The following UBE2Z variants were observed in gnomAD, a reference collection of about 807,000 sequenced individuals.
The protein encoded by UBE2Z is ubiquitin conjugating enzyme E2 Z, also known as ubiquitin-conjugating enzyme E2 Z.
A neutral mutation model predicts 32.6 loss-of-function variants in UBE2Z; 10 were observed. That is an observed-to-expected ratio of 0.31 (90% CI 0.19 to 0.52). The LOEUF (loss-of-function observed/expected upper bound fraction) is 0.52. Among genes scored for constraint, UBE2Z ranks in the 20% least tolerant of loss-of-function variants. The pLI, the probability that UBE2Z is intolerant of heterozygous loss-of-function variation, is 0.97. For missense variants in UBE2Z, 343 were observed against 480.9 expected (o/e 0.71, Z 2.68); for synonymous variants, 183 against 190.8 (o/e 0.96, Z 0.34).
chr17:48,923,541 A>C lies in UBE2Z; in HGVS notation c.894+604A>C, dbSNP rs552463406. 8.6e-5 allele frequency among the ~76,000 whole-genome samples: 13 copies of C among 151,898 alleles called. No individual in the cohort carries two copies. The East Asian group carries it at 1.9e-3, about 23-fold the overall frequency. ...CGGCTACTTGGGAGGCTGAGGCAGG[A>C]GAATCGCTTGAACCTGGGAGGCCGA... On this transcript the variant is annotated intron_variant, in intron 6 of 6. Coordinates refer to ENST00000360943, the MANE Select transcript of UBE2Z (RefSeq NM_023079.5).
At chr17:48,916,665 G>C (rs1012585869) in intron 4 of UBE2Z, among the ~76,000 whole-genome samples, 3 of 152,000 alleles carry the variant, frequency 2.0e-5, no homozygotes, top group Non-Finnish European at 2.9e-5. Context: ...GGGAAAAAAA[G>C]GGAATTGACA....
At chr17:48,912,535 G>T (rs1419974338) in intron 2 of UBE2Z, 2 of 312,808 alleles carry the variant, frequency 6.4e-6, no homozygotes, top group Non-Finnish European at 1.2e-5. Flanking sequence ...AATGCTTTAA[G>T]AGAGTTTTAG....
In UBE2Z at chr17:48,912,934, G is replaced by A. The variant is rs375589561; in HGVS notation, c.491G>A (p.Arg164Gln). 2 of 1,613,740 alleles carry A rather than the reference G, an allele frequency of 1.2e-6. No individual in the cohort carries two copies. The highest frequency in any genetic ancestry group is 1.3e-5 in the African/African-American group (1 of 74,884). ...CPPDYPIHPP[R>Q]VKLMTTGNNT... ...CCCGACTATCCCATCCACCCACCTC[G>A]GGTCAAACTGATGACAACGGGCAAT... Residue 164 changes from arginine (R) to glutamine (Q), a missense_variant, in exon 3 of 7, where the codon CGG becomes CAG. Around this residue, in one of 4 missense-constraint regions of UBE2Z, gnomAD observed 182 missense variants for 312.4 expected, o/e 0.58. Transcript: ENST00000360943.
chr17:48,917,513 G>A (rs568282344), intron 4 of UBE2Z, among the ~76,000 whole-genome samples: 1 of 152,166 alleles, frequency 6.6e-6, no homozygotes, highest in Non-Finnish European at 1.5e-5. Context: ...CCAGCCAGCT[G>A]TTCTTCTGGG....
intron 4 of UBE2Z, among the ~76,000 whole-genome samples, chr17:48,919,947 CT>C (rs1187040529): frequency 7.3e-5 from 11 of 149,878 alleles, no homozygotes; most frequent in African/African-American, 1.5e-4. Context: ...TTCTTTCTGT[CT>C]TTTTTTTTTC....
rs1351167140 is a variant in UBE2Z, at chr17:48,927,863, G to C, written c.*729G>C. Reference sequence around the variant, plus strand: ...GTGACTGGGACTTAACCAAGGTCTTGGTAAAGCCTGCATGGCACCGTAAGA... The same window carrying C: ...GTGACTGGGACTTAACCAAGGTCTTCGTAAAGCCTGCATGGCACCGTAAGA... On this transcript the variant is annotated 3_prime_UTR_variant, in exon 7 of 7. Coordinates refer to ENST00000360943, the MANE Select transcript of UBE2Z (RefSeq NM_023079.5). 1 of 152,578 alleles carries C rather than the reference G, an allele frequency of 6.6e-6. No homozygotes were observed. Among genetic ancestry groups the C allele is most frequent in the African/African-American group, 2.4e-5 (1 of 41,418 alleles). The allele number at this position is 152,578 out of a possible 1,614,324, so 9.5% of individuals were successfully genotyped here.
Position 48,928,844 on chromosome 17 carries a change from T to C in UBE2Z, c.*1710T>C, listed in dbSNP as rs565856862. ...CAGTGTTGTCTGTCATCCATTTAAG[T>C]GTTCCCACTTTCAAGTGACAATCCT... On this transcript the variant is annotated 3_prime_UTR_variant, in exon 7 of 7. Coordinates refer to ENST00000360943, the MANE Select transcript of UBE2Z (RefSeq NM_023079.5). The C allele has an allele frequency of 2.6e-5, 4 of 152,836 alleles. No homozygotes were observed. The highest frequency in any genetic ancestry group is 2.0e-4 in the Admixed American group (3 of 15,310). The allele number at this position is 152,836 out of a possible 1,614,324, so 9.5% of individuals were successfully genotyped here.
chr17:48,919,255 A>C (rs1194839022), intron 4 of UBE2Z, among the ~76,000 whole-genome samples: 1 of 152,064 alleles, frequency 6.6e-6, no homozygotes, highest in Non-Finnish European at 1.5e-5. Context: ...AAGTGCTGGG[A>C]TTACAGGTGT....
At chr17:48,923,356 C>T (rs754497951) in intron 6 of UBE2Z, among the ~76,000 whole-genome samples, 8 of 145,648 alleles carry the variant, frequency 5.5e-5, no homozygotes, top group East Asian at 2.0e-4. Flanking sequence ...AATAGCCAGG[C>T]GCGGTGGCTC....
rs2040815612 is a variant in UBE2Z at position 48,928,832 on chromosome 17, C to T, written c.*1698C>T. 6.6e-6 allele frequency: 1 copy of T among 152,668 alleles called. No homozygotes were observed. Among genetic ancestry groups the T allele is most frequent in the Non-Finnish European group, 1.5e-5 (1 of 68,056 alleles). 9.5% of individuals were successfully genotyped at this position (152,668 alleles called of 1,614,324 possible). Reference sequence around the variant, plus strand: ...GGTCTGTGGGTCCAGTGTTGTCTGTCATCCATTTAAGTGTTCCCACTTTCA... The same window carrying T: ...GGTCTGTGGGTCCAGTGTTGTCTGTTATCCATTTAAGTGTTCCCACTTTCA... On this transcript the variant is annotated 3_prime_UTR_variant, in exon 7 of 7. Transcript: ENST00000360943.
intron 1 of UBE2Z, 99 bp downstream of exon 1, chr17:48,908,919 C>T: frequency 9.9e-7 from 1 of 1,006,864 alleles, no homozygotes; most frequent in Non-Finnish European, 1.3e-6. Context: ...ACCCACTGCG[C>T]TGCCCTCGCG....
At chr17:48,920,032 A>T (rs1311002285) in intron 4 of UBE2Z, among the ~76,000 whole-genome samples, 2 of 151,868 alleles carry the variant, frequency 1.3e-5, no homozygotes, top group Non-Finnish European at 2.9e-5. Flanking sequence ...AAACTTTTTT[A>T]AAAAAATAGC....
chr17:48,920,031 T>TA (rs1434912784), intron 4 of UBE2Z, among the ~76,000 whole-genome samples: 1 of 151,618 alleles, frequency 6.6e-6, no homozygotes, highest in African/African-American at 2.4e-5. Flanking sequence ...AAAACTTTTT[T>TA]AAAAAAATAG....
At chr17:48,925,596 A>T (rs2040792329) in intron 6 of UBE2Z, among the ~76,000 whole-genome samples, 1 of 152,218 alleles carries the variant, frequency 6.6e-6, no homozygotes, top group Non-Finnish European at 1.5e-5. Context: ...CAGGAATTCT[A>T]ATTGCTGGTA....
rs140542728 is a variant in UBE2Z at position 48,923,592 on chromosome 17, A to G, written c.894+655A>G. 1.0e-2 allele frequency among the ~76,000 whole-genome samples: 1,517 copies of G among 151,960 alleles called. 24 individuals carry two copies. The highest frequency in any genetic ancestry group is 0.035 in the African/African-American group (1,460 of 41,486). On this transcript the variant is annotated intron_variant, in intron 6 of 6. Coordinates refer to ENST00000360943, the MANE Select transcript of UBE2Z (RefSeq NM_023079.5). ...GGTTGCAGTGAGCTGAGTGCACTCC[A>G]GTCTGGGCAACAAGAGCGAAACTCG...
intron 1 of UBE2Z, among the ~76,000 whole-genome samples, chr17:48,909,560 C>T (rs1388191908): frequency 1.6e-5 from 2 of 127,194 alleles, no homozygotes; most frequent in African/African-American, 2.9e-5. Context: ...CCCCCACCCT[C>T]CCCGGGTCGT....
intron 4 of UBE2Z, 39 bp downstream of exon 4, chr17:48,916,226 T>C (rs192389464): frequency 8.4e-7 from 1 of 1,196,844 alleles, no homozygotes; most frequent in Non-Finnish European, 1.1e-6. Context: ...TGTAGACTAT[T>C]GTTTTTGTTT....
intron 4 of UBE2Z, among the ~76,000 whole-genome samples, chr17:48,920,171 A>G (rs117856767): frequency 0.016 from 2,452 of 152,108 alleles, 49 homozygotes; most frequent in Middle Eastern, 0.068. Context: ...CTGGATGACA[A>G]AGCAAGAGCC....
Position 48,923,011 on chromosome 17 carries a change from C to T in UBE2Z, c.894+74C>T, listed in dbSNP as rs139836667. 1.2e-3 allele frequency: 1,669 copies of T among 1,349,344 alleles called. 16 individuals are homozygous for T. In the African/African-American group the frequency reaches 0.021, roughly 17 times the overall value. 83.6% of individuals were successfully genotyped at this position (1,349,344 alleles called of 1,614,324 possible). ...TAAAAGCCCCCCACAAGCGTGGCAT[C>T]GACAGCTGTCATAGAATGACACAGC... On this transcript the variant is annotated intron_variant, in intron 6 of 6. Transcript: ENST00000360943.
Sources: allele counts gnomAD v4.1 joint callset (sites outside exome capture counted in the v4.1 genomes callset), GRCh38; gene constraint gnomAD v4.1.1; regional missense constraint gnomAD v4.1.1; transcripts MANE v1.5; gene names NCBI Gene and HGNC (gene_info 2026-07-23, HGNC 2026-07-21).